ELMO1: variants seen among roughly 807,000 people sequenced by gnomAD.
ELMO1 encodes engulfment and cell motility protein 1.
Under a neutral mutation model 98.9 loss-of-function variants are expected in ELMO1, and 26 were observed. The observed-to-expected ratio is 0.26, with a 90% confidence interval of 0.19 to 0.36. The LOEUF is 0.36. ELMO1 is among the 10% of genes least tolerant of loss of function. The pLI is 1.00. For missense variants in ELMO1, 627 were observed against 935.2 expected (o/e 0.67, Z 4.30); for synonymous variants, 346 against 346.0 (o/e 1.00, Z 0.00).
intron 2 of ELMO1, among the ~76,000 whole-genome samples, chr7:37,316,240 TA>T (rs1799147869): frequency 1.3e-5 from 2 of 152,148 alleles, no homozygotes; most frequent in Admixed American, 1.3e-4. Context: ...ACACTGAAAT[TA>T]GGGTGAAAAT....
At chr7:37,003,466 G>A (rs775658051) in intron 16 of ELMO1, among the ~76,000 whole-genome samples, 3 of 152,154 alleles carry the variant, frequency 2.0e-5, no homozygotes, top group East Asian at 3.9e-4. Context: ...TCCTTGCTTC[G>A]GACCTGTCTG....
chr7:37,333,264 A>T (rs1431893517), intron 2 of ELMO1, among the ~76,000 whole-genome samples: 2 of 152,234 alleles, frequency 1.3e-5, no homozygotes, highest in Non-Finnish European at 2.9e-5. Flanking sequence ...ATATCCTGCC[A>T]CAATTAACCT....
chr7:37,296,778 T>C (rs923382395), intron 4 of ELMO1, among the ~76,000 whole-genome samples: 4 of 152,250 alleles, frequency 2.6e-5, no homozygotes, highest in African/African-American at 4.8e-5. Flanking sequence ...TATTTCATCA[T>C]GTAAATTTGT....
chr7:37,370,788 A>T (rs1802086027), intron 1 of ELMO1, among the ~76,000 whole-genome samples: 1 of 152,204 alleles, frequency 6.6e-6, no homozygotes, highest in Admixed American at 6.5e-5. Flanking sequence ...TATGTGGAGC[A>T]ACAGGAACTT....
At chr7:36,995,248 G>A (rs762961763) in intron 16 of ELMO1, among the ~76,000 whole-genome samples, 9 of 152,136 alleles carry the variant, frequency 5.9e-5, no homozygotes, top group Non-Finnish European at 8.8e-5. Context: ...CGTGGCTCAC[G>A]CTTGCAATCC....
chr7:37,131,802 A>C (rs1786939327), intron 14 of ELMO1, among the ~76,000 whole-genome samples: 1 of 152,248 alleles, frequency 6.6e-6, no homozygotes, highest in South Asian at 2.1e-4. Context: ...AATTCTCTAT[A>C]TATTCAGATT....
chr7:36,857,993 CT>C (rs1340316991), intron 21 of ELMO1, among the ~76,000 whole-genome samples: 1 of 152,092 alleles, frequency 6.6e-6, no homozygotes, highest in East Asian at 1.9e-4. Flanking sequence ...GACAGGATAA[CT>C]TAGAAACTAA....
At chr7:37,041,452 G>C (rs1795503151) in intron 15 of ELMO1, among the ~76,000 whole-genome samples, 1 of 152,200 alleles carries the variant, frequency 6.6e-6, no homozygotes. Flanking sequence ...AGTGGTCTAT[G>C]TGTGCCAAAG....
intron 15 of ELMO1, among the ~76,000 whole-genome samples, chr7:37,017,336 T>C (rs964098198): frequency 1.3e-5 from 2 of 152,204 alleles, no homozygotes. Flanking sequence ...AAGGTCACAT[T>C]GAATGAGTGT....
rs538466395 is a variant in ELMO1, at chr7:37,254,055, T to C, written c.413+5126A>G. Reference sequence around the variant, plus strand: ...GAAAAATGGCTTTCTCTTTCCTTTTTAATCTTAGCGAAAGATCTGAAAAAT... The same window carrying C: ...GAAAAATGGCTTTCTCTTTCCTTTTCAATCTTAGCGAAAGATCTGAAAAAT... On this transcript the variant is annotated intron_variant, in intron 6 of 21. Coordinates refer to ENST00000310758, the MANE Select transcript of ELMO1 (RefSeq NM_014800.11). Among the ~76,000 whole-genome samples, 3 of 152,350 alleles carry C rather than the reference T, an allele frequency of 2.0e-5. No homozygotes were observed. The East Asian group carries it at 5.8e-4, about 29-fold the overall frequency.
chr7:36,881,922 C>G (rs968426897), intron 18 of ELMO1, among the ~76,000 whole-genome samples: 46 of 152,186 alleles, frequency 3.0e-4, no homozygotes, highest in African/African-American at 1.1e-3. Flanking sequence ...GTAGGTAGTT[C>G]TATCAGACAG....
At chr7:37,257,871 C>T (rs1412078317) in intron 6 of ELMO1, among the ~76,000 whole-genome samples, 2 of 150,180 alleles carry the variant, frequency 1.3e-5, no homozygotes, top group Non-Finnish European at 3.0e-5. Context: ...TGGTGTCACA[C>T]GCCTGTAGTC....
intron 4 of ELMO1, among the ~76,000 whole-genome samples, chr7:37,288,425 A>G (rs1239261745): frequency 2.6e-5 from 4 of 152,170 alleles, no homozygotes; most frequent in South Asian, 2.1e-4. Context: ...GGGTTTCTCC[A>G]TGTTGGTCAG....
intron 6 of ELMO1, among the ~76,000 whole-genome samples, chr7:37,257,259 G>A (rs564457876): frequency 6.6e-6 from 1 of 152,300 alleles, no homozygotes; most frequent in South Asian, 2.1e-4. Flanking sequence ...CTCCCTCAAG[G>A]ACAGTTCACA....
chr7:37,016,543 A>G (rs1269139041), intron 15 of ELMO1, among the ~76,000 whole-genome samples: 1 of 151,542 alleles, frequency 6.6e-6, no homozygotes, highest in Non-Finnish European at 1.5e-5. Flanking sequence ...TAATTCCTCC[A>G]CCCATTCTCT....
At chr7:37,431,864 T>TTTTG (rs767247346) in intron 1 of ELMO1, among the ~76,000 whole-genome samples, 57 of 152,066 alleles carry the variant, frequency 3.7e-4, no homozygotes, top group Middle Eastern at 3.4e-3. Flanking sequence ...GAAGTTTGTT[T>TTTTG]TTTGTTTGTT....
chr7:37,427,912 C>G (rs776194024), intron 1 of ELMO1, among the ~76,000 whole-genome samples: 6 of 152,162 alleles, frequency 3.9e-5, no homozygotes, highest in Non-Finnish European at 7.4e-5. Context: ...TTTGGGTACT[C>G]CAGCAGAGTT....
chr7:37,334,533 C>T (rs949963064), intron 2 of ELMO1, among the ~76,000 whole-genome samples: 6 of 152,166 alleles, frequency 3.9e-5, no homozygotes, highest in East Asian at 1.9e-4. Context: ...GCTGAGTAAT[C>T]TTGGGCAAGT....
rs1317615876 is a variant in ELMO1 at position 36,854,099 on chromosome 7, C to A, written c.*1452G>T. On this transcript the variant is annotated 3_prime_UTR_variant, in exon 22 of 22. Coordinates refer to ENST00000310758, the MANE Select transcript of ELMO1 (RefSeq NM_014800.11). Reference sequence around the variant, plus strand: ...TGTAAAAGGAATAGATATTTTCATACAGTGGGTCTGATTTTCTCAGTGAGT... The same window carrying A: ...TGTAAAAGGAATAGATATTTTCATAAAGTGGGTCTGATTTTCTCAGTGAGT... 1.6e-5 allele frequency among the ~76,000 whole-genome samples: 2 copies of A among 125,286 alleles called. No homozygotes were observed. Among genetic ancestry groups the A allele is most frequent in the Non-Finnish European group, 3.4e-5 (2 of 59,578 alleles). 82.2% of individuals were successfully genotyped at this position (125,286 alleles called of 152,430 possible). A position where few individuals can be genotyped will look rare whatever the true frequency, so the allele number is the denominator to read the frequency against.
Sources: gnomAD v4.1 joint callset for allele counts (sites outside exome capture counted in the v4.1 genomes callset) on GRCh38, gnomAD v4.1.1 for gene constraint, MANE v1.5 for transcripts, NCBI Gene and HGNC (gene_info 2026-07-23, HGNC 2026-07-21) for gene names.